TEF: variants seen among roughly 807,000 people sequenced by gnomAD.
TEF encodes thyrotroph embryonic factor.
Under a neutral mutation model 20.8 loss-of-function variants are expected in TEF, and 3 were observed. That is an observed-to-expected ratio of 0.14 (90% CI 0.07 to 0.37). The LOEUF (loss-of-function observed/expected upper bound fraction) is 0.37, where lower values mean the gene tolerates loss of function less well. Among genes scored for constraint, TEF ranks in the 10% least tolerant of loss-of-function variants. TEF has a pLI of 1.00. For synonymous variants in TEF, 180 were observed against 171.1 expected (o/e 1.05, Z -0.41); for missense variants, 296 against 397.9 (o/e 0.74, Z 2.18).
At chr22:41,380,785 C>G (rs1017545776), upstream of TEF, among the ~76,000 whole-genome samples, 1 of 152,130 alleles carries the variant, frequency 6.6e-6, no homozygotes, top group Non-Finnish European at 1.5e-5. Flanking sequence ...GCGGAACTCC[C>G]GGGGAGGCTT....
chr22:41,392,630 C>T (rs888804137), intron 2 of TEF, among the ~76,000 whole-genome samples: 5 of 140,330 alleles, frequency 3.6e-5, no homozygotes, highest in African/African-American at 1.3e-4. Context: ...GCTGAGATCA[C>T]GCCACTACAC....
intron 2 of TEF, among the ~76,000 whole-genome samples, chr22:41,388,876 C>A (rs546427210): frequency 6.6e-6 from 1 of 151,924 alleles, no homozygotes; most frequent in Non-Finnish European, 1.5e-5. Context: ...GAAATTTTTT[C>A]AAACAAAATA....
intron 2 of TEF, among the ~76,000 whole-genome samples, chr22:41,391,713 A>G (rs935205654): frequency 2.7e-5 from 4 of 150,110 alleles, no homozygotes; most frequent in African/African-American, 7.4e-5. Context: ...ATCTCTGCCT[A>G]CTGGGTTTAA....
intron 1 of TEF, among the ~76,000 whole-genome samples, chr22:41,369,617 A>G (rs1482037084): frequency 6.6e-6 from 1 of 152,242 alleles, no homozygotes; most frequent in African/African-American, 2.4e-5. Context: ...CAGACCATTT[A>G]TAAACAGAAA....
At chr22:41,370,005 G>A in intron 1 of TEF, 1 of 985,416 alleles carries the variant, frequency 1.0e-6, no homozygotes, top group Non-Finnish European at 1.2e-6. Flanking sequence ...CACCTCCAGT[G>A]GGAGGGAAGT....
chr22:41,393,947 G>T, intron 2 of TEF, 149 bp from the exon 3 acceptor site: 6 of 624,172 alleles, frequency 9.6e-6, no homozygotes, highest in Non-Finnish European at 1.7e-5. Flanking sequence ...TGCCAGTCTG[G>T]CTTAGGGGCT....
upstream of TEF, among the ~76,000 whole-genome samples, chr22:41,379,425 TG>T (rs1196594858): frequency 7.9e-5 from 12 of 151,470 alleles, no homozygotes; most frequent in Non-Finnish European, 1.8e-4. Flanking sequence ...GAGAATCGCT[TG>T]AACTCAGGAG....
At chr22:41,381,510 G>A (rs1054088080), upstream of TEF, among the ~76,000 whole-genome samples, 1 of 152,196 alleles carries the variant, frequency 6.6e-6, no homozygotes, top group African/African-American at 2.4e-5. Flanking sequence ...CGGCCTGGCC[G>A]CTCCGAGCTC....
intron 2 of TEF, among the ~76,000 whole-genome samples, chr22:41,393,202 G>A (rs9623389): frequency 0.036 from 5,402 of 151,832 alleles, 312 homozygotes; most frequent in African/African-American, 0.12. Context: ...TTAGCCAGGC[G>A]TGTTGGTGTG....
chr22:41,392,090 T>C (rs992789298), intron 2 of TEF, among the ~76,000 whole-genome samples: 3 of 152,226 alleles, frequency 2.0e-5, no homozygotes, highest in African/African-American at 7.2e-5. Context: ...GTTGACTGAA[T>C]AATTATTTTG....
At chr22:41,389,770 C>G (rs942365415) in intron 2 of TEF, among the ~76,000 whole-genome samples, 2 of 152,200 alleles carry the variant, frequency 1.3e-5, no homozygotes, top group African/African-American at 2.4e-5. Flanking sequence ...CCACTACACC[C>G]AGCCGCTTTG....
intron 1 of TEF, among the ~76,000 whole-genome samples, chr22:41,375,868 A>T (rs557786012): frequency 2.6e-5 from 4 of 152,314 alleles, no homozygotes; most frequent in Admixed American, 2.0e-4. Flanking sequence ...AGAAAAAAGT[A>T]TATTTTTACT....
At chr22:41,381,891 C>A (rs2037029765), upstream of TEF, 1 of 1,225,844 alleles carries the variant, frequency 8.2e-7, no homozygotes, top group Non-Finnish European at 1.0e-6. Context: ...CAGAGCCGGT[C>A]CGCAGGCGGG....
chr22:41,378,749 T>C (rs1028115659), upstream of TEF, among the ~76,000 whole-genome samples: 2 of 150,702 alleles, frequency 1.3e-5, no homozygotes, highest in East Asian at 4.0e-4. Context: ...TGGGATTACA[T>C]GGGTGAGCCA....
At chr22:41,380,578 G>A (rs1017364173), upstream of TEF, among the ~76,000 whole-genome samples, 4 of 152,178 alleles carry the variant, frequency 2.6e-5, no homozygotes, top group African/African-American at 9.7e-5. Context: ...CCTGCTAGAA[G>A]GGCTGGGCCA....
At chr22:41,373,965 T>C (rs936593768) in intron 1 of TEF, among the ~76,000 whole-genome samples, 1 of 151,980 alleles carries the variant, frequency 6.6e-6, no homozygotes, top group Non-Finnish European at 1.5e-5. Flanking sequence ...GGTTTCACTA[T>C]GTTGTCCAGG....
At chr22:41,380,807 A>AGAG (rs2037007719), upstream of TEF, among the ~76,000 whole-genome samples, 1 of 152,146 alleles carries the variant, frequency 6.6e-6, no homozygotes, top group African/African-American at 2.4e-5. Context: ...ATATTTTAAG[A>AGAG]GAGGAGGTGG....
At position 41,381,999 on chromosome 22, in the gene TEF, G is replaced by A; in HGVS notation, c.-46G>A. ...GTCGCACGGCTCCGGCCCATCTCGG[G>A]GGGCGGGCGGGGGAGGCGAGGTGCG... is the stretch of plus-strand genomic sequence containing the variant. On this transcript the variant is annotated 5_prime_UTR_variant, in exon 1 of 4. Transcript: ENST00000266304. 8.1e-7 allele frequency: 1 copy of A among 1,229,616 alleles called. No individual in the cohort carries two copies. Among genetic ancestry groups the A allele is most frequent in the Non-Finnish European group, 1.0e-6 (1 of 986,586 alleles). 76.2% of individuals were successfully genotyped at this position (1,229,616 alleles called of 1,614,324 possible).
intron 3 of TEF, among the ~76,000 whole-genome samples, chr22:41,395,378 A>G (rs1208703956): frequency 6.6e-6 from 1 of 152,146 alleles, no homozygotes; most frequent in Admixed American, 6.6e-5. Flanking sequence ...TTTCACTGCT[A>G]GTAATCTTGG....
Sources: allele counts gnomAD v4.1 joint callset (sites outside exome capture counted in the v4.1 genomes callset), GRCh38; gene constraint gnomAD v4.1.1; transcripts MANE v1.5; gene names NCBI Gene and HGNC (gene_info 2026-07-23, HGNC 2026-07-21).